EPS8L2: variants seen among roughly 807,000 people sequenced by gnomAD.
EPS8L2 encodes EPS8 signaling adaptor L2.
In EPS8L2, 81 loss-of-function variants were observed where a neutral mutation model predicts 99.4. The ratio of observed to expected loss-of-function variants is 0.82; its 90% CI spans 0.68 to 0.98. The LOEUF (loss-of-function observed/expected upper bound fraction) is 0.98. Ranked by LOEUF, EPS8L2 falls within the 50% of genes least tolerant of loss-of-function variation. The probability of loss-of-function intolerance (pLI) is 0.00; values close to 1 mark genes in which losing one functional copy is unlikely to be tolerated. For synonymous variants in EPS8L2, 509 were observed against 407.3 expected, an observed-to-expected ratio of 1.25 and a Z score of -3.01; for missense variants, 1,155 against 968.8, an observed-to-expected ratio of 1.19 and a Z score of -2.55.
chr11:726,496 C>T lies in EPS8L2; in HGVS notation c.1934+12C>T, dbSNP rs1056170264. ...GCCTTCAGCCCGCGGTGAGCGGGGG[C>T]GGGGGATGAGCTGGGGCCCGGGCGA... is the stretch of plus-strand genomic sequence containing the variant. On this transcript the variant is annotated intron_variant, in intron 19 of 20. Transcript: ENST00000318562. 9.8e-6 allele frequency: 14 copies of T among 1,431,314 alleles called. No homozygotes were observed. In the East Asian group the frequency reaches 1.5e-4, roughly 16 times the overall value. 88.7% of individuals were successfully genotyped at this position (1,431,314 alleles called of 1,614,324 possible).
At position 721,643 on chromosome 11, in the gene EPS8L2, C is replaced by G. The variant is rs756793071; in HGVS notation, c.847C>G (p.Leu283Val). The change falls in exon 10 of 21, where the codon CTG becomes GTG. Residue 283 changes from leucine (L) to valine (V), a missense_variant. Physicochemically the swap from Leu to Val is conservative, Grantham distance 32 (BLOSUM62 1). Transcript: ENST00000318562. Reference sequence around the variant, plus strand: ...GAAGGCAGCCGAGGCTTTCAAGCAGCTGAACCAGCGGAAAAAGGGGAAGAA... The same window carrying G: ...GAAGGCAGCCGAGGCTTTCAAGCAGGTGAACCAGCGGAAAAAGGGGAAGAA... ...LQKAAEAFKQ[L>V]NQRKKGKKKG... 7.6e-6 allele frequency: 12 copies of G among 1,584,718 alleles called. No individual in the cohort carries two copies. Among genetic ancestry groups the G allele is most frequent in the African/African-American group, 1.4e-5 (1 of 73,260 alleles).
chr11:710,741 C>A (rs547702297), intron 4 of EPS8L2, among the ~76,000 whole-genome samples: 5 of 151,672 alleles, frequency 3.3e-5, no homozygotes, highest in African/African-American at 1.2e-4. Flanking sequence ...TGTCTCAAAA[C>A]GAAAGAGAGA....
intron 4 of EPS8L2, among the ~76,000 whole-genome samples, 200 bp from the exon 5 acceptor site, chr11:719,862 C>G (rs965457812): frequency 6.6e-6 from 1 of 152,106 alleles, no homozygotes; most frequent in Non-Finnish European, 1.5e-5. Flanking sequence ...AGGATAGTTT[C>G]AGGACACAAG....
chr11:720,977 A>C, intron 7 of EPS8L2, 68 bp downstream of exon 7: 2 of 1,033,624 alleles, frequency 1.9e-6, no homozygotes, highest in Non-Finnish European at 2.7e-6. Flanking sequence ...GGAGGGGAGG[A>C]GCCGGCAGGG....
rs536005625 is a variant in EPS8L2, at chr11:722,303, G to A, written c.1060-98G>A. On this transcript the variant is annotated intron_variant, in intron 12 of 20. Transcript: ENST00000318562. ...ACGCTGTGTGGCCACTCTCCCTGGG[G>A]TCCAAAGTCCCTTCCCGAGGGCCAG... 3.9e-5 allele frequency: 61 copies of A among 1,551,998 alleles called. No homozygotes were observed. The South Asian group carries it at 6.2e-4, about 16-fold the overall frequency.
intron 4 of EPS8L2, 103 bp downstream of exon 4, chr11:710,589 C>T (rs1861860291): frequency 8.7e-7 from 1 of 1,150,582 alleles, no homozygotes; most frequent in Non-Finnish European, 1.3e-6. Context: ...ATTAGACGGG[C>T]ATGGTGGTGC....
chr11:721,735 C>A (rs763339566), intron 10 of EPS8L2, 44 bp downstream of exon 10: 51 of 1,272,318 alleles, frequency 4.0e-5, no homozygotes, highest in Non-Finnish European at 5.1e-5. Context: ...GGGGACGGGG[C>A]CAGCAGGTGC....
At chr11:709,974 C>T (rs1047122004) in intron 3 of EPS8L2, 9 of 413,658 alleles carry the variant, frequency 2.2e-5, no homozygotes, top group African/African-American at 4.0e-5. Flanking sequence ...TCCCCAGAGA[C>T]GACCCTGCCC....
Position 727,083 on chromosome 11 carries a change from G to T in EPS8L2, c.*102G>T, listed in dbSNP as rs749867707. 3.5e-6 allele frequency: 3 copies of T among 852,334 alleles called. No individual in the cohort carries two copies. The highest frequency in any genetic ancestry group is 5.6e-6 in the Non-Finnish European group (3 of 536,480). 52.8% of individuals were successfully genotyped at this position (852,334 alleles called of 1,614,324 possible). A position where few individuals can be genotyped will look rare whatever the true frequency, so the allele number is the denominator to read the frequency against. ...TGTATTTTGTATCAAGGACACGGAG[G>T]GGGTGTGGTGCTGGCTAGAGGTCCC... On this transcript the variant is annotated 3_prime_UTR_variant, in exon 21 of 21. Transcript: ENST00000318562.
intron 4 of EPS8L2, 78 bp downstream of exon 4, chr11:710,564 A>C: frequency 3.1e-6 from 4 of 1,304,416 alleles, no homozygotes; most frequent in Middle Eastern, 1.8e-4. Context: ...TCTCGTCTCC[A>C]CAAAAAATAA....
Position 722,123 on chromosome 11 carries a change from C to G in EPS8L2, c.1017C>G (p.Ser339Arg). The G allele has an allele frequency of 6.2e-7, 1 of 1,613,018 alleles. No homozygotes were observed. Residue 339 changes from serine to arginine, a missense_variant, in exon 12 of 21, where the codon AGC (serine) becomes AGG (arginine). Physicochemically the swap from Ser to Arg is moderately radical, Grantham distance 110. Coordinates refer to ENST00000318562, the MANE Select transcript of EPS8L2 (RefSeq NM_022772.4). ...TGCAGAAGCACATCCAGAACCCCAGCGCCGCGGAGCTCGTGCACTTCCTCT... is the reference window on the plus strand; with the variant it reads ...TGCAGAAGCACATCCAGAACCCCAGGGCCGCGGAGCTCGTGCACTTCCTCT... ...AKLQKHIQNP[S>R]AAELVHFLFG...
intron 4 of EPS8L2, among the ~76,000 whole-genome samples, chr11:714,862 G>T (rs758780148): frequency 6.6e-6 from 1 of 151,914 alleles, no homozygotes; most frequent in African/African-American, 2.4e-5. Context: ...TGTAATTTTC[G>T]TATAATGCCT....
In EPS8L2 at chr11:709,186, G is replaced by GGGCCAACTGGGACGTGA. The variant is rs1418898740; in HGVS notation, c.-78-132_-78-131insCGTGAGGCCAACTGGGA. The stretch of plus-strand genomic sequence containing the variant: ...GGGACGTGGGGCCAACTGGGACGTG[G>GGGCCAACTGGGACGTGA]GGCCAACTGGGATGTCGGGCAGGGG... On this transcript the variant is annotated intron_variant, in intron 1 of 20. Transcript: ENST00000318562. 2.3e-5 allele frequency: 14 copies of GGGCCAACTGGGACGTGA among 615,404 alleles called. No homozygotes were observed. The African/African-American group carries it at 2.6e-4, about 11-fold the overall frequency. 38.1% of individuals were successfully genotyped at this position (615,404 alleles called of 1,614,324 possible).
rs374334327 is a variant in EPS8L2 at position 726,291 on chromosome 11, C to A, written c.1754-13C>A. The A allele has an allele frequency of 2.5e-6, 4 of 1,595,818 alleles. No individual in the cohort carries two copies. The Admixed American group carries it at 6.9e-5, about 28-fold the overall frequency. On this transcript the variant is annotated splice_polypyrimidine_tract_variant and intron_variant, in intron 18 of 20. Coordinates refer to ENST00000318562, the MANE Select transcript of EPS8L2 (RefSeq NM_022772.4). ...GCAAGGCAGCGGCGGGCCTGAGTCGCGCGCCCCCTCAGAGCTCATGCAGCA... is the reference window on the plus strand; with the variant it reads ...GCAAGGCAGCGGCGGGCCTGAGTCGAGCGCCCCCTCAGAGCTCATGCAGCA...
At position 709,570 on chromosome 11, in the gene EPS8L2, C is replaced by T. The variant is rs781565230; in HGVS notation, c.62C>T (p.Ser21Phe). ...PGATNGSLGR[S>F]DGVAKMSPKD... ...CCCTGCAGTGGCAGCCTGGGCCGGT[C>T]CGACGGTGTGGCCAAGATGAGCCCC... Residue 21 changes from serine (S) to phenylalanine (F), a missense_variant, in exon 3 of 21, where the codon TCC (serine) becomes TTC (phenylalanine). Coordinates refer to ENST00000318562, the MANE Select transcript of EPS8L2 (RefSeq NM_022772.4). 4.2e-5 allele frequency: 68 copies of T among 1,611,992 alleles called. No individual in the cohort carries two copies. The highest frequency in any genetic ancestry group is 5.7e-5 in the Non-Finnish European group (67 of 1,179,418).
In EPS8L2 at chr11:720,233, A is replaced by T. The variant is rs754937976; in HGVS notation, c.327+10A>T. 6.2e-6 allele frequency: 10 copies of T among 1,612,376 alleles called. No homozygotes were observed. Among genetic ancestry groups the T allele is most frequent in the Non-Finnish European group, 7.6e-6 (9 of 1,179,700 alleles). On this transcript the variant is annotated intron_variant, in intron 5 of 20. Transcript: ENST00000318562. ...GGACATCGAGTCACAGGTGGGGCCC[A>T]GCGCCACGGGGGACAGGGAGCACAG... is the stretch of plus-strand genomic sequence containing the variant.
At chr11:712,445 T>C (rs1300763742) in intron 4 of EPS8L2, among the ~76,000 whole-genome samples, 1 of 145,192 alleles carries the variant, frequency 6.9e-6, no homozygotes, top group Non-Finnish European at 1.5e-5. Context: ...GGGCTCCCGG[T>C]TGTCGTCCAA....
Position 726,104 on chromosome 11 carries a change from C to T in EPS8L2, c.1687C>T (p.Gln563Ter), listed in dbSNP as rs774493052. The T allele has an allele frequency of 6.3e-7, 1 of 1,596,630 alleles. No homozygotes were observed. Among genetic ancestry groups the T allele is most frequent in the Admixed American group, 1.7e-5 (1 of 59,118 alleles). ...TCGCCCCCCGCCCCCGCAGGCCGGT[C>T]AGAAGTACTGGGGCCCCGCCAGCCC... ...DAGAPFEQAG[Q>*]KYWGPASPTH... The change falls in exon 18 of 21, where the codon CAG becomes TAG. Residue 563 changes from glutamine to a stop codon, truncating the protein, a stop_gained. Transcript: ENST00000318562. LOFTEE classifies it high-confidence loss of function.
chr11:714,623 T>TTTA (rs1221080756), intron 4 of EPS8L2, among the ~76,000 whole-genome samples: 2 of 141,766 alleles, frequency 1.4e-5, no homozygotes, highest in African/African-American at 5.1e-5. Flanking sequence ...ATTTTATTTA[T>TTTA]TTTTTTATTT....
Sources: gnomAD v4.1 joint callset for allele counts (sites outside exome capture counted in the v4.1 genomes callset) on GRCh38, gnomAD v4.1.1 for gene constraint, MANE v1.5 for transcripts, NCBI Gene and HGNC (gene_info 2026-07-23, HGNC 2026-07-21) for gene names.